Variants in CTNNA2 observed in about 807,000 individuals in gnomAD.
CTNNA2 encodes catenin alpha-2.
In CTNNA2, 42 loss-of-function variants were observed where a neutral mutation model predicts 101.0. The observed-to-expected ratio is 0.42, with a 90% CI of 0.32 to 0.54. The LOEUF is 0.54. Among genes scored for constraint, CTNNA2 ranks in the 20% least tolerant of loss-of-function variants. The probability of loss-of-function intolerance (pLI) is 0.14; values close to 1 mark genes in which losing one functional copy is unlikely to be tolerated. For missense variants in CTNNA2, 871 were observed against 1,223.1 expected (o/e 0.71, Z 4.29); for synonymous variants, 450 against 456.4 (o/e 0.99, Z 0.18).
chr2:80,136,934 A>G (rs1222774769), intron 7 of CTNNA2, among the ~76,000 whole-genome samples: 1 of 152,148 alleles, frequency 6.6e-6, no homozygotes, highest in East Asian at 1.9e-4. Context: ...TGCTGCATGA[A>G]GGTGGCCTCT....
chr2:80,324,496 C>A (rs944894676), intron 7 of CTNNA2, among the ~76,000 whole-genome samples: 8 of 152,194 alleles, frequency 5.3e-5, no homozygotes, highest in Admixed American at 3.9e-4. Context: ...ACAACACAAT[C>A]AGCCAGCAGC....
chr2:79,701,903 A>G (rs1685026371), intron 2 of CTNNA2, among the ~76,000 whole-genome samples: 1 of 151,104 alleles, frequency 6.6e-6, no homozygotes, highest in Non-Finnish European at 1.5e-5. Context: ...TTATGAGGCT[A>G]AGGCACGAGC....
At chr2:79,200,509 G>A (rs35986447) in intron 2 of CTNNA2, among the ~76,000 whole-genome samples, 31,925 of 151,890 alleles carry the variant, frequency 0.21, 4,249 homozygotes, top group African/African-American at 0.38. Context: ...AGATTTCTCC[G>A]CAAAACGGAG....
intron 3 of CTNNA2, among the ~76,000 whole-genome samples, chr2:79,366,417 G>T (rs775593366): frequency 2.0e-5 from 3 of 152,258 alleles, no homozygotes; most frequent in African/African-American, 7.2e-5. Flanking sequence ...GGCCTGTTTG[G>T]TGTGGGTTGT....
At chr2:79,659,995 A>C (rs1230375356) in intron 2 of CTNNA2, among the ~76,000 whole-genome samples, 2 of 152,188 alleles carry the variant, frequency 1.3e-5, no homozygotes. Flanking sequence ...CCCATCTCTA[A>C]AAAGAATAAT....
chr2:80,108,094 G>A (rs1573102223), intron 7 of CTNNA2, among the ~76,000 whole-genome samples: 1 of 152,178 alleles, frequency 6.6e-6, no homozygotes, highest in East Asian at 1.9e-4. Flanking sequence ...GGTTGAATGT[G>A]TTACTCTTCC....
intron 9 of CTNNA2, among the ~76,000 whole-genome samples, chr2:80,477,136 G>T (rs2149493705): frequency 6.6e-6 from 1 of 152,248 alleles, no homozygotes; most frequent in East Asian, 1.9e-4. Context: ...AGATGTGGTG[G>T]CACTGATAAG....
At chr2:80,582,057 C>A (rs914094031) in intron 14 of CTNNA2, among the ~76,000 whole-genome samples, 15 of 152,134 alleles carry the variant, frequency 9.9e-5, no homozygotes, top group Admixed American at 2.0e-4. Flanking sequence ...GCAACCACAT[C>A]ACAGCAAGCT....
chr2:79,907,005 T>C (rs978062057), intron 6 of CTNNA2, among the ~76,000 whole-genome samples: 6 of 152,202 alleles, frequency 3.9e-5, no homozygotes, highest in Admixed American at 6.5e-5. Flanking sequence ...TTCTCTCTAC[T>C]GCAGAGAAAC....
chr2:80,173,391 A>G lies in CTNNA2; in HGVS notation c.1057-219820A>G, dbSNP rs573977850. On this transcript the variant is annotated intron_variant, in intron 7 of 18. Coordinates refer to ENST00000402739, the MANE Select transcript of CTNNA2 (RefSeq NM_001282597.3). The stretch of plus-strand genomic sequence containing the variant: ...TACCAAATATTTAAAAATGGAAAGC[A>G]TGACTGTATCAGTCAGAATCCAGTC... Among the ~76,000 whole-genome samples, 11 of 152,376 alleles carry G rather than the reference A, an allele frequency of 7.2e-5. No individual in the cohort carries two copies. The South Asian group carries it at 2.3e-3, about 32-fold the overall frequency.
At chr2:79,917,079 A>AT (rs142546476) in intron 7 of CTNNA2, among the ~76,000 whole-genome samples, 47 of 64,274 alleles carry the variant, frequency 7.3e-4, no homozygotes, top group African/African-American at 3.4e-3. Context: ...TTATTTATTT[A>AT]TTTATTTTTT....
intron 11 of CTNNA2, among the ~76,000 whole-genome samples, chr2:80,550,477 T>C (rs2149645371): frequency 6.6e-6 from 1 of 152,308 alleles, no homozygotes; most frequent in South Asian, 2.1e-4. Context: ...TGAGATGCTG[T>C]TTGACAGCAC....
chr2:80,032,178 G>T (rs1024585921), intron 7 of CTNNA2, among the ~76,000 whole-genome samples: 2 of 151,866 alleles, frequency 1.3e-5, no homozygotes, highest in African/African-American at 4.8e-5. Flanking sequence ...AGGACATGAG[G>T]AGCGTTTTGA....
chr2:79,978,664 C>T (rs1160057498), intron 7 of CTNNA2, among the ~76,000 whole-genome samples: 3 of 152,138 alleles, frequency 2.0e-5, no homozygotes, highest in Non-Finnish European at 4.4e-5. Context: ...GCTTCCCAGT[C>T]TACACAGTTG....
intron 7 of CTNNA2, among the ~76,000 whole-genome samples, chr2:80,372,459 T>C (rs1312540313): frequency 2.0e-5 from 3 of 151,720 alleles, no homozygotes; most frequent in Non-Finnish European, 4.4e-5. Context: ...CCTAAAGAAT[T>C]AATTGGACTT....
chr2:79,956,317 C>A (rs947502502), intron 7 of CTNNA2, among the ~76,000 whole-genome samples: 3 of 152,008 alleles, frequency 2.0e-5, no homozygotes, highest in Non-Finnish European at 4.4e-5. Flanking sequence ...AAATACTTTC[C>A]TTTTAACAGA....
chr2:79,545,263 C>T (rs977144104), intron 1 of CTNNA2, among the ~76,000 whole-genome samples: 1 of 152,136 alleles, frequency 6.6e-6, no homozygotes, highest in African/African-American at 2.4e-5. Context: ...CTTCTAGGCC[C>T]TATGCTTAGA....
At chr2:79,541,013 T>C (rs1308643406) in intron 1 of CTNNA2, among the ~76,000 whole-genome samples, 2 of 152,132 alleles carry the variant, frequency 1.3e-5, no homozygotes, top group Non-Finnish European at 2.9e-5. Flanking sequence ...TTGGTTTGCT[T>C]GTGATTTAGC....
chr2:80,354,396 C>G (rs967505875), intron 7 of CTNNA2, among the ~76,000 whole-genome samples: 1 of 152,106 alleles, frequency 6.6e-6, no homozygotes, highest in African/African-American at 2.4e-5. Flanking sequence ...AACCAAATCA[C>G]TCACCCACTA....
Sources: gnomAD v4.1 joint callset for allele counts (sites outside exome capture counted in the v4.1 genomes callset) on GRCh38, gnomAD v4.1.1 for gene constraint, MANE v1.5 for transcripts, NCBI Gene and HGNC (gene_info 2026-07-23, HGNC 2026-07-21) for gene names.